DNM2: variants seen among roughly 807,000 people sequenced by gnomAD.
DNM2 encodes dynamin 2, also known as dynamin-2.
DNM2 carries 15 observed loss-of-function variants against 99.0 expected under a neutral mutation model. That is an observed-to-expected ratio of 0.15 (90% CI 0.10 to 0.23). The LOEUF (loss-of-function observed/expected upper bound fraction) is 0.23, where lower values mean the gene tolerates loss of function less well. Ranked by LOEUF, DNM2 falls within the 10% of genes least tolerant of loss-of-function variation. DNM2 has a pLI of 1.00. For synonymous variants in DNM2, 525 were observed against 481.2 expected, an observed-to-expected ratio of 1.09 and a Z score of -1.19; for missense variants, 742 against 1,189.4, an observed-to-expected ratio of 0.62 and a Z score of 5.53.
chr19:10,823,941 T>C, intron 17 of DNM2, 42 bp downstream of exon 17: 1 of 1,599,138 alleles, frequency 6.3e-7, no homozygotes, highest in Non-Finnish European at 8.6e-7. Context: ...AGCCCCCACC[T>C]GGGAGAGGAA....
In DNM2 at chr19:10,740,244, AT is replaced by A. The variant is rs549149490; in HGVS notation, c.162-19487del. Among the ~76,000 whole-genome samples the A allele has an allele frequency of 1.3e-4, 19 of 150,982 alleles. No homozygotes were observed. In the East Asian group the frequency reaches 2.5e-3, roughly 20 times the overall value. On this transcript the variant is annotated intron_variant, in intron 1 of 20. Transcript: ENST00000389253. ...TGTGGTGGTGTTAACTTCTCTCTCC[AT>A]TTTTTTAGTCTCTTTATTTCTTCTC...
chr19:10,800,046 G>A (rs905320287), intron 11 of DNM2, among the ~76,000 whole-genome samples: 4 of 147,090 alleles, frequency 2.7e-5, no homozygotes, highest in African/African-American at 1.0e-4. Flanking sequence ...TAGTAGAGAT[G>A]AGGTTTCGCC....
rs1320249895 is a variant in DNM2 at position 10,796,867 on chromosome 19, G to A, written c.1197-513G>A. Among the ~76,000 whole-genome samples the A allele has an allele frequency of 1.3e-5, 2 of 152,232 alleles. No individual in the cohort carries two copies. Among genetic ancestry groups the A allele is most frequent in the East Asian group, 3.9e-4 (2 of 5,156 alleles). On this transcript the variant is annotated intron_variant, in intron 9 of 20. Transcript: ENST00000389253. This position sits in a 1 kb window ranked among gnomAD's most constrained non-coding sequence, Gnocchi z 5.6. ...CAACGCCGCGGGCCTGGTTCCCAGG[G>A]CAGCACGCTTTGGCCAAGCAGCTGA...
At chr19:10,722,191 G>A (rs1472074278) in intron 1 of DNM2, among the ~76,000 whole-genome samples, 4 of 152,128 alleles carry the variant, frequency 2.6e-5, no homozygotes, top group Non-Finnish European at 5.9e-5. Context: ...TTCGATTTCA[G>A]AAGCACCAGT....
At chr19:10,750,792 G>A (rs1036023406) in intron 1 of DNM2, among the ~76,000 whole-genome samples, 1 of 152,104 alleles carries the variant, frequency 6.6e-6, no homozygotes, top group Non-Finnish European at 1.5e-5. Flanking sequence ...AATTAGCCGG[G>A]TGTGGTGCTG....
intron 1 of DNM2, among the ~76,000 whole-genome samples, chr19:10,757,769 C>T (rs1211499720): frequency 6.6e-6 from 1 of 151,902 alleles, no homozygotes; most frequent in Non-Finnish European, 1.5e-5. Context: ...ATAGTGAAAC[C>T]CTGTCTCTAC....
intron 1 of DNM2, among the ~76,000 whole-genome samples, chr19:10,742,103 C>T (rs1479685195): frequency 6.6e-6 from 1 of 152,028 alleles, no homozygotes; most frequent in Non-Finnish European, 1.5e-5. Flanking sequence ...AGCCTACTCC[C>T]ACTAACACTG....
intron 16 of DNM2, 191 bp from the exon 17 acceptor site, chr19:10,823,597 G>T (rs2073052327): frequency 1.7e-6 from 1 of 589,508 alleles, no homozygotes; most frequent in Non-Finnish European, 3.1e-6. Context: ...TCAGACACTT[G>T]CCGAGCTTGT....
chr19:10,751,530 C>T (rs2070194679), intron 1 of DNM2, among the ~76,000 whole-genome samples: 2 of 152,156 alleles, frequency 1.3e-5, no homozygotes, highest in African/African-American at 4.8e-5. Context: ...GCTGCTGTGT[C>T]CCAGAAAACC....
chr19:10,824,976 C>T, intron 17 of DNM2, 81 bp from the exon 18 acceptor site: 2 of 1,606,082 alleles, frequency 1.2e-6, no homozygotes, highest in Non-Finnish European at 1.7e-6. Flanking sequence ...ATTGGTGGGA[C>T]AATAGGGCAG....
intron 12 of DNM2, 150 bp downstream of exon 12, chr19:10,802,508 T>C: frequency 1.2e-6 from 1 of 844,874 alleles, no homozygotes; most frequent in Non-Finnish European, 2.0e-6. Flanking sequence ...ACTGAGAATA[T>C]CTGGAAGCTC....
chr19:10,756,569 A>G (rs2070392220), intron 1 of DNM2, among the ~76,000 whole-genome samples: 1 of 152,190 alleles, frequency 6.6e-6, no homozygotes, highest in Non-Finnish European at 1.5e-5. Context: ...AGTGCCTGGC[A>G]GGCAGGTCCC....
intron 15 of DNM2, among the ~76,000 whole-genome samples, chr19:10,814,203 GC>G (rs1239633871): frequency 1.3e-5 from 2 of 151,904 alleles, no homozygotes; most frequent in Non-Finnish European, 2.9e-5. Context: ...AGTGGCTCAC[GC>G]CATTAATCCC....
At chr19:10,810,479 C>T (rs2072502713) in intron 14 of DNM2, 1 of 152,496 alleles carries the variant, frequency 6.6e-6, no homozygotes, top group South Asian at 2.1e-4. Flanking sequence ...CTCAGGGCTT[C>T]TGCCAGACGT....
intron 1 of DNM2, among the ~76,000 whole-genome samples, chr19:10,738,736 G>A (rs1486888702): frequency 6.6e-6 from 1 of 152,038 alleles, no homozygotes; most frequent in African/African-American, 2.4e-5. Flanking sequence ...TGGGCGTGGT[G>A]GTGGGTGCCT....
intron 8 of DNM2, among the ~76,000 whole-genome samples, chr19:10,794,907 ATTAAT>A (rs1458502072): frequency 6.6e-6 from 1 of 152,050 alleles, no homozygotes; most frequent in Non-Finnish European, 1.5e-5. Context: ...GTTTTAATTA[ATTAAT>A]TTGTTTGTTT....
At chr19:10,744,937 G>T (rs113402817) in intron 1 of DNM2, among the ~76,000 whole-genome samples, 8 of 152,264 alleles carry the variant, frequency 5.3e-5, no homozygotes, top group African/African-American at 1.9e-4. Flanking sequence ...TCTTGAAAAT[G>T]CTGCTGGGCC....
intron 17 of DNM2, chr19:10,824,539 C>G (rs1166520060): frequency 5.0e-6 from 1 of 200,852 alleles, no homozygotes; most frequent in Non-Finnish European, 1.0e-5. Flanking sequence ...GGTGTGGTGG[C>G]TTACACCTGC....
chr19:10,824,262 G>T, intron 17 of DNM2: 1 of 325,942 alleles, frequency 3.1e-6, no homozygotes, highest in Non-Finnish European at 6.0e-6. Flanking sequence ...AGCACTTTGG[G>T]AGGCTGAGGT....
Sources: allele counts gnomAD v4.1 joint callset (sites outside exome capture counted in the v4.1 genomes callset), GRCh38; gene constraint gnomAD v4.1.1; non-coding constraint Gnocchi (gnomAD v3.1); transcripts MANE v1.5; gene names NCBI Gene and HGNC (gene_info 2026-07-23, HGNC 2026-07-21).